CFAP251: variants seen among roughly 807,000 people sequenced by gnomAD.
CFAP251 encodes cilia and flagella associated protein 251.
CFAP251 carries 93 observed loss-of-function variants against 126.7 expected under a neutral mutation model. That is an observed-to-expected ratio of 0.73 (90% CI 0.62 to 0.87). The LOEUF (loss-of-function observed/expected upper bound fraction) is 0.87. Ranked by LOEUF, CFAP251 falls within the 40% of genes least tolerant of loss-of-function variation. The pLI, the probability that CFAP251 is intolerant of heterozygous loss-of-function variation, is 0.00. For missense variants in CFAP251, 1,287 were observed against 1,389.2 expected, an observed-to-expected ratio of 0.93 and a Z score of 1.17; for synonymous variants, 503 against 506.9, an observed-to-expected ratio of 0.99 and a Z score of 0.10.
At chr12:121,955,211 T>G (rs140117047) in intron 10 of CFAP251, among the ~76,000 whole-genome samples, 427 of 152,240 alleles carry the variant, frequency 2.8e-3, no homozygotes, top group Middle Eastern at 0.01. Flanking sequence ...TGAGAATCAC[T>G]TGAACCCAGG....
chr12:121,960,509 C>T (rs1592987119), intron 13 of CFAP251, 76 bp from the exon 14 acceptor site: 14 of 1,539,358 alleles, frequency 9.1e-6, no homozygotes, highest in African/African-American at 1.4e-5. Context: ...TGAGCCACCG[C>T]GCCTGGCCCA....
chr12:121,985,828 T>C (rs1882733319), intron 19 of CFAP251, among the ~76,000 whole-genome samples: 1 of 152,006 alleles, frequency 6.6e-6, no homozygotes, highest in Non-Finnish European at 1.5e-5. Context: ...TATCCATTGA[T>C]AGGAGATGAG....
intron 2 of CFAP251, 109 bp from the exon 3 acceptor site, chr12:121,923,513 A>G: frequency 7.2e-7 from 1 of 1,397,146 alleles, no homozygotes; most frequent in Non-Finnish European, 9.6e-7. Flanking sequence ...AACATTTCAT[A>G]ATTCCTAGGT....
intron 7 of CFAP251, 36 bp from the exon 8 acceptor site, chr12:121,948,948 T>C (rs12580863): frequency 7.8e-7 from 1 of 1,286,140 alleles, no homozygotes. Context: ...AAACAGAAAA[T>C]TTATCATTAA....
At chr12:121,956,299 G>A (rs145163605) in intron 10 of CFAP251, among the ~76,000 whole-genome samples, 125 of 152,308 alleles carry the variant, frequency 8.2e-4, no homozygotes, top group South Asian at 4.1e-3. Flanking sequence ...TATATGGGGA[G>A]TGTAAATCCT....
At position 121,958,469 on chromosome 12, in the gene CFAP251, G is replaced by A. The variant is rs1377033825; in HGVS notation, c.1928G>A (p.Ser643Asn). 1 of 1,614,118 alleles carries A rather than the reference G, an allele frequency of 6.2e-7. No individual in the cohort carries two copies. The highest frequency in any genetic ancestry group is 8.5e-7 in the Non-Finnish European group (1 of 1,180,030). ...WNYENKQYLF[S>N]RVFEKGLGVQ... ...TATGAAAACAAACAATATCTTTTCA[G>A]CAGGGTTTTTGAGAAGGGGCTTGGA... is the stretch of plus-strand genomic sequence containing the variant. The change falls in exon 12 of 22, where the codon AGC becomes AAC. Residue 643 changes from serine (S) to asparagine (N), a missense_variant. Physicochemically the swap from Ser to Asn is conservative, Grantham distance 46. Coordinates refer to ENST00000288912, the MANE Select transcript of CFAP251 (RefSeq NM_144668.6).
intron 17 of CFAP251, among the ~76,000 whole-genome samples, chr12:121,973,629 C>T (rs1252966098): frequency 6.6e-6 from 1 of 152,214 alleles, no homozygotes; most frequent in Non-Finnish European, 1.5e-5. Flanking sequence ...ACCATGGGAA[C>T]CCACCTCTTG....
At chr12:121,978,667 G>A (rs1882542487) in intron 19 of CFAP251, among the ~76,000 whole-genome samples, 1 of 152,116 alleles carries the variant, frequency 6.6e-6, no homozygotes, top group South Asian at 2.1e-4. Flanking sequence ...GGATGCGTGT[G>A]CATATACATA....
intron 3 of CFAP251, among the ~76,000 whole-genome samples, chr12:121,925,407 A>G (rs556498003): frequency 2.8e-4 from 43 of 152,292 alleles, no homozygotes; most frequent in Non-Finnish European, 5.6e-4. Flanking sequence ...GATTGAATGG[A>G]TATCAAATAC....
intron 2 of CFAP251, among the ~76,000 whole-genome samples, chr12:121,923,161 C>T (rs1178704812): frequency 1.3e-5 from 2 of 150,910 alleles, no homozygotes; most frequent in African/African-American, 2.4e-5. Flanking sequence ...TTCTTCTCTC[C>T]TCTCATCCCT....
intron 3 of CFAP251, among the ~76,000 whole-genome samples, chr12:121,925,247 G>A (rs1880364350): frequency 6.6e-6 from 1 of 152,120 alleles, no homozygotes; most frequent in Admixed American, 6.6e-5. Flanking sequence ...TTCCAGGGAG[G>A]CACCATCTGC....
rs770029428 is a variant in CFAP251, at chr12:121,951,546, G to T, written c.1320+16G>T. The T allele has an allele frequency of 7.0e-6, 11 of 1,570,216 alleles. No individual in the cohort carries two copies. The highest frequency in any genetic ancestry group is 8.7e-6 in the Non-Finnish European group (10 of 1,145,730). On this transcript the variant is annotated intron_variant, in intron 9 of 21. Coordinates refer to ENST00000288912, the MANE Select transcript of CFAP251 (RefSeq NM_144668.6). ...AACTGAAAAAGTGAGTATGCCTATT[G>T]CATTTTTGTCCATCAGATTTTGTGG...
intron 5 of CFAP251, among the ~76,000 whole-genome samples, chr12:121,939,529 A>G (rs997993731): frequency 3.9e-5 from 6 of 152,146 alleles, no homozygotes; most frequent in Admixed American, 3.9e-4. Context: ...TATGATGTGG[A>G]GCCACTGTTT....
chr12:121,928,558 C>T (rs896136542), intron 3 of CFAP251, among the ~76,000 whole-genome samples: 13 of 149,886 alleles, frequency 8.7e-5, no homozygotes, highest in African/African-American at 1.7e-4. Flanking sequence ...TTCTTAGCAA[C>T]GCAACGCATC....
chr12:121,957,524 G>GA (rs1245782406), intron 11 of CFAP251, among the ~76,000 whole-genome samples: 2 of 151,854 alleles, frequency 1.3e-5, no homozygotes, highest in East Asian at 3.9e-4. Flanking sequence ...CTAACATGGT[G>GA]AAACCCCGTC....
chr12:121,948,951 A>G, intron 7 of CFAP251, 33 bp from the exon 8 acceptor site: 1 of 1,299,454 alleles, frequency 7.7e-7, no homozygotes, highest in South Asian at 1.4e-5. Flanking sequence ...CAGAAAATTT[A>G]TCATTAATGT....
chr12:121,919,457 A>G (rs1322155615), intron 1 of CFAP251, among the ~76,000 whole-genome samples: 1 of 152,204 alleles, frequency 6.6e-6, no homozygotes, highest in East Asian at 1.9e-4. Context: ...TTTCTCTCAA[A>G]TAATAACAAC....
At chr12:122,002,447 G>T (rs1301062473) in intron 21 of CFAP251, among the ~76,000 whole-genome samples, 1 of 152,106 alleles carries the variant, frequency 6.6e-6, no homozygotes, top group African/African-American at 2.4e-5. Context: ...GGCTTAAGTG[G>T]GAGGATGACT....
chr12:121,987,877 C>T (rs1005454933), intron 19 of CFAP251, among the ~76,000 whole-genome samples: 22 of 152,096 alleles, frequency 1.4e-4, no homozygotes, highest in Non-Finnish European at 2.9e-5. Flanking sequence ...GGTTCTGTTC[C>T]TACGTATGTA....
Sources: gnomAD v4.1 joint callset for allele counts (sites outside exome capture counted in the v4.1 genomes callset) on GRCh38, gnomAD v4.1.1 for gene constraint, MANE v1.5 for transcripts, NCBI Gene and HGNC (gene_info 2026-07-23, HGNC 2026-07-21) for gene names.